Variants in WWOX observed in about 807,000 individuals in gnomAD.
WWOX encodes WW domain containing oxidoreductase.
In WWOX, 69 loss-of-function variants were observed where a neutral mutation model predicts 46.2. The observed-to-expected ratio is 1.49, with a 90% CI of 1.23 to 1.82. The LOEUF (loss-of-function observed/expected upper bound fraction) is 1.82, where lower values mean the gene tolerates loss of function less well. WWOX is among the 40% of genes most tolerant of loss of function. The pLI is 0.00. For missense variants in WWOX, 919 were observed against 542.6 expected (o/e 1.69, Z -6.89); for synonymous variants, 359 against 202.6 (o/e 1.77, Z -6.56).
chr16:78,523,572 C>G (rs2043394960), intron 8 of WWOX, among the ~76,000 whole-genome samples: 1 of 152,218 alleles, frequency 6.6e-6, no homozygotes. Flanking sequence ...AGTGGACAGT[C>G]TGATGGAGGT....
intron 5 of WWOX, among the ~76,000 whole-genome samples, chr16:78,364,028 T>C (rs1158292544): frequency 1.3e-5 from 2 of 152,234 alleles, no homozygotes; most frequent in Non-Finnish European, 2.9e-5. Context: ...ACATTTTCTC[T>C]TGGCCCCGTG....
rs550022552 is a variant in WWOX at position 78,465,950 on chromosome 16, C to T, written c.1056+33198C>T. 1.6e-4 allele frequency among the ~76,000 whole-genome samples: 24 copies of T among 152,222 alleles called. No individual in the cohort carries two copies. The South Asian group carries it at 4.8e-3, about 30-fold the overall frequency. Reference sequence around the variant, plus strand: ...TGCAGAGTAGGCAAATTCATAAAGACAGAATACGCATCGGTGGTTTCTGGG... The same window carrying T: ...TGCAGAGTAGGCAAATTCATAAAGATAGAATACGCATCGGTGGTTTCTGGG... On this transcript the variant is annotated intron_variant, in intron 8 of 8. Coordinates refer to ENST00000566780, the MANE Select transcript of WWOX (RefSeq NM_016373.4).
At chr16:78,705,063 A>C (rs557817416) in intron 8 of WWOX, among the ~76,000 whole-genome samples, 2 of 152,108 alleles carry the variant, frequency 1.3e-5, no homozygotes, top group South Asian at 4.1e-4. Context: ...CATGCTGAAA[A>C]TGAGCTGCCT....
intron 5 of WWOX, among the ~76,000 whole-genome samples, chr16:78,332,797 C>T (rs1347934396): frequency 2.0e-5 from 3 of 152,084 alleles, no homozygotes; most frequent in Non-Finnish European, 2.9e-5. Context: ...ATGGGTTCCA[C>T]AGGAAATATT....
rs1327904408 is a variant in WWOX at position 78,820,318 on chromosome 16, C to T, written c.1056+387566C>T. Among the ~76,000 whole-genome samples, 5 of 152,156 alleles carry T rather than the reference C, an allele frequency of 3.3e-5. No homozygotes were observed. The East Asian group carries it at 7.7e-4, about 23-fold the overall frequency. ...GACCCAAAGTTTTGGCTACTGAAGA[C>T]GTTGCATGCCCTCCAACAGTGGAAG... On this transcript the variant is annotated intron_variant, in intron 8 of 8. Coordinates refer to ENST00000566780, the MANE Select transcript of WWOX (RefSeq NM_016373.4).
At chr16:78,845,465 C>T (rs1277376516) in intron 8 of WWOX, among the ~76,000 whole-genome samples, 1 of 152,268 alleles carries the variant, frequency 6.6e-6, no homozygotes, top group African/African-American at 2.4e-5. Flanking sequence ...CTTATGGCCA[C>T]AAAGTATGCT....
chr16:78,533,059 G>A (rs1437405232), intron 8 of WWOX, among the ~76,000 whole-genome samples: 1 of 152,254 alleles, frequency 6.6e-6, no homozygotes, highest in South Asian at 2.1e-4. Context: ...GAGGGTGGGA[G>A]CCAGACAGAT....
intron 8 of WWOX, among the ~76,000 whole-genome samples, chr16:78,821,128 A>C (rs1054932530): frequency 2.6e-5 from 4 of 152,176 alleles, no homozygotes; most frequent in Admixed American, 2.6e-4. Flanking sequence ...GCACTGCATC[A>C]AACGTATGGG....
At chr16:78,446,023 C>A (rs148383293) in intron 8 of WWOX, among the ~76,000 whole-genome samples, 1 of 152,154 alleles carries the variant, frequency 6.6e-6, no homozygotes, top group Admixed American at 6.5e-5. Context: ...TGTATGTGGA[C>A]TGATAACTGG....
At chr16:78,860,864 T>C (rs1180115780) in intron 8 of WWOX, among the ~76,000 whole-genome samples, 1 of 152,148 alleles carries the variant, frequency 6.6e-6, no homozygotes, top group East Asian at 1.9e-4. Flanking sequence ...TGAGATAGGG[T>C]CTCACTCTGT....
At chr16:78,201,751 G>C (rs1448109384) in intron 5 of WWOX, among the ~76,000 whole-genome samples, 1 of 151,810 alleles carries the variant, frequency 6.6e-6, no homozygotes, top group Non-Finnish European at 1.5e-5. Context: ...CAAGTCTGGA[G>C]TGCAGTGGTG....
intron 8 of WWOX, among the ~76,000 whole-genome samples, chr16:78,558,482 C>G (rs2044358825): frequency 6.6e-6 from 1 of 152,242 alleles, no homozygotes; most frequent in South Asian, 2.1e-4. Context: ...CTACAGTTGG[C>G]TGGACTTGAG....
chr16:78,333,291 C>G (rs552467617), intron 5 of WWOX, among the ~76,000 whole-genome samples: 1 of 133,582 alleles, frequency 7.5e-6, no homozygotes, highest in Non-Finnish European at 1.7e-5. Context: ...TCAGGTGATC[C>G]GCCTGCCTTG....
At chr16:78,583,844 G>C (rs959096635) in intron 8 of WWOX, among the ~76,000 whole-genome samples, 2 of 152,216 alleles carry the variant, frequency 1.3e-5, no homozygotes, top group Non-Finnish European at 2.9e-5. Context: ...AGCCTCTCAG[G>C]TGAAGAGCTT....
intron 8 of WWOX, among the ~76,000 whole-genome samples, chr16:79,036,633 C>G (rs543653924): frequency 7.2e-5 from 11 of 152,154 alleles, no homozygotes; most frequent in Non-Finnish European, 1.6e-4. Flanking sequence ...CCATTCAATT[C>G]ACAGTGGCTC....
intron 8 of WWOX, among the ~76,000 whole-genome samples, chr16:78,600,226 G>A (rs1395690312): frequency 6.6e-6 from 1 of 151,990 alleles, no homozygotes; most frequent in Non-Finnish European, 1.5e-5. Context: ...CACAACACAT[G>A]GGAATTGTGG....
intron 8 of WWOX, among the ~76,000 whole-genome samples, chr16:79,182,883 A>G (rs1482090852): frequency 1.3e-5 from 2 of 152,232 alleles, no homozygotes; most frequent in African/African-American, 4.8e-5. Flanking sequence ...AGGCAAAGAC[A>G]TATTTAACAA....
chr16:78,638,426 ATTTTT>A (rs965789343), intron 8 of WWOX, among the ~76,000 whole-genome samples: 1 of 146,228 alleles, frequency 6.8e-6, no homozygotes, highest in Non-Finnish European at 1.5e-5. Context: ...TTCCACCACC[ATTTTT>A]TTTTTGTTTC....
At chr16:78,753,863 T>G (rs1340574862) in intron 8 of WWOX, among the ~76,000 whole-genome samples, 8 of 129,512 alleles carry the variant, frequency 6.2e-5, no homozygotes, top group Non-Finnish European at 9.7e-5. Context: ...TATGTATATG[T>G]ATATGTATAT....
Sources: gnomAD v4.1 joint callset for allele counts (sites outside exome capture counted in the v4.1 genomes callset) on GRCh38, gnomAD v4.1.1 for gene constraint, MANE v1.5 for transcripts, NCBI Gene and HGNC (gene_info 2026-07-23, HGNC 2026-07-21) for gene names.